Variants in GLIS3 observed in about 807,000 individuals in gnomAD.
The protein encoded by GLIS3 is GLIS family zinc finger 3.
In GLIS3, 53 loss-of-function variants were observed where a neutral mutation model predicts 78.6. The ratio of observed to expected loss-of-function variants is 0.67; its 90% CI spans 0.54 to 0.85. GLIS3 has a LOEUF of 0.85. Ranked by LOEUF, GLIS3 falls within the 40% of genes least tolerant of loss-of-function variation. GLIS3 has a pLI of 0.00. For synonymous variants in GLIS3, 684 were observed against 509.9 expected, an observed-to-expected ratio of 1.34 and a Z score of -4.60; for missense variants, 1,703 against 1,231.1, an observed-to-expected ratio of 1.38 and a Z score of -5.74.
the GLIS3 span, among the ~76,000 whole-genome samples, chr9:4,408,809 A>G: frequency 6.6e-6 from 1 of 152,030 alleles, no homozygotes; most frequent in African/African-American, 2.4e-5. Flanking sequence ...AGTCAATAAT[A>G]ATTTAATTGT....
Position 3,922,468 on chromosome 9 carries a change from C to T in GLIS3, c.1983+9892G>A, listed in dbSNP as rs570589809. Among the ~76,000 whole-genome samples, 6 of 152,278 alleles carry T rather than the reference C, an allele frequency of 3.9e-5. No homozygotes were observed. In the South Asian group the frequency reaches 8.3e-4, roughly 21 times the overall value. The stretch of plus-strand genomic sequence containing the variant: ...TGCATATGTCCTCATTTTCTTTTTA[C>T]ACAGATAGGCATCGCTTATGTAATT... On this transcript the variant is annotated intron_variant, in intron 6 of 10. Transcript: ENST00000381971.
At chr9:4,319,082 A>G (rs912486372) in intron 2 of GLIS3, among the ~76,000 whole-genome samples, 5 of 152,248 alleles carry the variant, frequency 3.3e-5, no homozygotes, top group Admixed American at 3.3e-4. Context: ...GAAAGACATG[A>G]GGAACCATTC....
intron 6 of GLIS3, among the ~76,000 whole-genome samples, chr9:3,932,052 T>G (rs868420759): frequency 1.9e-4 from 29 of 152,354 alleles, no homozygotes; most frequent in Middle Eastern, 6.8e-3. Flanking sequence ...AGCTTTTTGT[T>G]GCTTTCCAGT....
intron 4 of GLIS3, among the ~76,000 whole-genome samples, chr9:4,033,634 CACCCTGG>C (rs1411733230): frequency 6.6e-6 from 1 of 152,110 alleles, no homozygotes; most frequent in Non-Finnish European, 1.5e-5. Context: ...TCCTAGGCTC[CACCCTGG>C]ACCTATTCAA....
intron 2 of GLIS3, among the ~76,000 whole-genome samples, chr9:4,238,882 G>C (rs1293504564): frequency 6.6e-6 from 1 of 152,032 alleles, no homozygotes; most frequent in African/African-American, 2.4e-5. Context: ...GACTACTATA[G>C]CCACAGCAGC....
chr9:4,239,957 A>G (rs573812343), intron 2 of GLIS3, among the ~76,000 whole-genome samples: 10 of 152,348 alleles, frequency 6.6e-5, no homozygotes, highest in African/African-American at 2.2e-4. Flanking sequence ...TATTTTAGTC[A>G]TTATTAAGTT....
upstream of GLIS3, among the ~76,000 whole-genome samples, chr9:4,351,263 C>A (rs182591008): frequency 4.6e-5 from 7 of 151,892 alleles, no homozygotes; most frequent in East Asian, 1.4e-3. Flanking sequence ...AACAAACAAA[C>A]AATTAACTGG....
At chr9:4,074,882 G>T (rs1236038002) in intron 4 of GLIS3, among the ~76,000 whole-genome samples, 1 of 152,188 alleles carries the variant, frequency 6.6e-6, no homozygotes, top group East Asian at 1.9e-4. Context: ...GCCAATTCAA[G>T]AGGATCATCT....
At chr9:4,319,012 C>G (rs1332672469) in intron 2 of GLIS3, among the ~76,000 whole-genome samples, 1 of 152,080 alleles carries the variant, frequency 6.6e-6, no homozygotes, top group Non-Finnish European at 1.5e-5. Flanking sequence ...ATCAAGCACT[C>G]AATTGGAGGG....
At chr9:4,009,065 C>G (rs2130004669) in intron 4 of GLIS3, among the ~76,000 whole-genome samples, 1 of 152,334 alleles carries the variant, frequency 6.6e-6, no homozygotes, top group Non-Finnish European at 1.5e-5. Flanking sequence ...TCCTTCTCTT[C>G]TCTTACTCAA....
chr9:4,351,866 T>TA (rs113183228), upstream of GLIS3, among the ~76,000 whole-genome samples: 5,998 of 148,842 alleles, frequency 0.04, 393 homozygotes, highest in African/African-American at 0.14. Context: ...ACAGTTTTCT[T>TA]AAAAAAAAAA....
chr9:4,029,950 G>A (rs537647832), intron 4 of GLIS3, among the ~76,000 whole-genome samples: 5 of 152,208 alleles, frequency 3.3e-5, no homozygotes, highest in Non-Finnish European at 5.9e-5. Context: ...TTTCTTTTAG[G>A]TATATCCAGC....
the GLIS3 span, among the ~76,000 whole-genome samples, chr9:4,372,627 G>C: frequency 2.0e-5 from 3 of 151,352 alleles, no homozygotes; most frequent in East Asian, 5.8e-4. Flanking sequence ...TCAAATTTAA[G>C]ACTTTCTAAA....
At chr9:3,883,664 C>G (rs941662970) in intron 7 of GLIS3, among the ~76,000 whole-genome samples, 1 of 152,220 alleles carries the variant, frequency 6.6e-6, no homozygotes, top group Admixed American at 6.5e-5. Context: ...AGCCGACACA[C>G]ACAGGCTGCC....
the GLIS3 span, among the ~76,000 whole-genome samples, chr9:4,439,254 G>C: frequency 6.6e-6 from 1 of 152,022 alleles, no homozygotes; most frequent in Non-Finnish European, 1.5e-5. Context: ...TGTTTATTGA[G>C]ATATAATTCA....
At chr9:4,195,529 TC>T (rs1390842511) in intron 2 of GLIS3, among the ~76,000 whole-genome samples, 1 of 152,128 alleles carries the variant, frequency 6.6e-6, no homozygotes, top group Non-Finnish European at 1.5e-5. Flanking sequence ...CTCAGCCACC[TC>T]CCCATGGGGC....
intron 8 of GLIS3, among the ~76,000 whole-genome samples, chr9:3,879,169 A>G (rs990998682): frequency 6.6e-6 from 1 of 152,120 alleles, no homozygotes; most frequent in Non-Finnish European, 1.5e-5. Context: ...AAGACAGGGA[A>G]ATTCTGGTGT....
intron 8 of GLIS3, among the ~76,000 whole-genome samples, chr9:3,877,341 C>G (rs2130443608): frequency 6.6e-6 from 1 of 152,314 alleles, no homozygotes; most frequent in African/African-American, 2.4e-5. Flanking sequence ...GGATGGTTAT[C>G]ATTTGCGCTG....
the GLIS3 span, among the ~76,000 whole-genome samples, chr9:4,414,297 CA>C: frequency 6.6e-6 from 1 of 152,154 alleles, no homozygotes; most frequent in Non-Finnish European, 1.5e-5. Context: ...GAAGACATGG[CA>C]AAACATGTAT....
Sources: allele counts gnomAD v4.1 joint callset (sites outside exome capture counted in the v4.1 genomes callset), GRCh38; gene constraint gnomAD v4.1.1; transcripts MANE v1.5; gene names NCBI Gene and HGNC (gene_info 2026-07-23, HGNC 2026-07-21).